DUOX1: variants seen among roughly 807,000 people sequenced by gnomAD.
DUOX1 encodes NADPH thyroid oxidase 1.
A neutral mutation model predicts 181.8 loss-of-function variants in DUOX1; 134 were observed. That is an observed-to-expected ratio of 0.74 (90% CI 0.64 to 0.85). The LOEUF (loss-of-function observed/expected upper bound fraction) is 0.85. Ranked by LOEUF, DUOX1 falls within the 40% of genes least tolerant of loss-of-function variation. The pLI, the probability that DUOX1 is intolerant of heterozygous loss-of-function variation, is 0.00. For synonymous variants in DUOX1, 798 were observed against 832.5 expected (o/e 0.96, Z 0.71); for missense variants, 1,814 against 2,064.4 (o/e 0.88, Z 2.35).
At chr15:45,161,414 TCAAAAAA>T (rs1567021662) in intron 29 of DUOX1, among the ~76,000 whole-genome samples, 2 of 13,336 alleles carry the variant, frequency 1.5e-4, no homozygotes, top group African/African-American at 5.8e-4. Flanking sequence ...TGAGACTGTG[TCAAAAAA>T]AAAAAAAAAA....
In DUOX1 at chr15:45,140,964, C is replaced by T. The variant is rs775571034; in HGVS notation, c.1459C>T (p.Leu487=). ...SWLELLPGGL[L]ESHRDPGPLF... is the part of the protein sequence containing the mutation. ...GCTAGAGCTGCTCCCTGGGGGACTC[C>T]TGGAGAGCCACCGGGACCCTGGACC... The change falls in exon 13 of 34, where the codon CTG becomes TTG. Residue 487 remains leucine, a synonymous_variant. Coordinates refer to ENST00000389037, the MANE Select transcript of DUOX1 (RefSeq NM_175940.3). 3.7e-6 allele frequency: 6 copies of T among 1,614,054 alleles called. No individual in the cohort carries two copies. The Admixed American group carries it at 1.0e-4, about 27-fold the overall frequency.
At chr15:45,155,569 CAAAAAAA>C (rs747495934) in intron 27 of DUOX1, 4 of 308,248 alleles carry the variant, frequency 1.3e-5, no homozygotes, top group East Asian at 1.3e-4. Flanking sequence ...GACTCCATCT[CAAAAAAA>C]AAAAAAAAAA....
chr15:45,140,751 G>T (rs1896467740), intron 12 of DUOX1, 144 bp from the exon 13 acceptor site: 2 of 735,556 alleles, frequency 2.7e-6, no homozygotes, highest in Non-Finnish European at 4.4e-6. Context: ...AAGTGCCTGG[G>T]GCATAATAAG....
At chr15:45,161,455 A>AGGGAGGGG (rs1897100670) in intron 29 of DUOX1, among the ~76,000 whole-genome samples, 1 of 85,948 alleles carries the variant, frequency 1.2e-5, no homozygotes, top group Admixed American at 1.2e-4. Context: ...GGAGGGAGGG[A>AGGGAGGGG]GGGAGGGAGG....
At chr15:45,132,577 T>C (rs1896181645) in intron 2 of DUOX1, among the ~76,000 whole-genome samples, 1 of 152,088 alleles carries the variant, frequency 6.6e-6, no homozygotes, top group African/African-American at 2.4e-5. Flanking sequence ...AGTGCCACAG[T>C]TAAAGTTAAA....
At chr15:45,139,670 A>G in intron 12 of DUOX1, 71 bp downstream of exon 12, 1 of 1,461,102 alleles carries the variant, frequency 6.8e-7, no homozygotes, top group Non-Finnish European at 9.1e-7. Context: ...CATGGAAGAT[A>G]GGCAGTGAAA....
Position 45,134,295 on chromosome 15 carries a change from TG to T in DUOX1, c.298del (p.Val100SerfsTer12). ...GCCTCCCTGAGAAACCGCACAGTGT[TG>T]GGGGTCTTCTTTGGTGAGAACTTCA... ...GLASLRNRTV[L>X]GVFFGYHVLS... On this transcript the variant is annotated frameshift_variant, in exon 4 of 34. Coordinates refer to ENST00000389037, the MANE Select transcript of DUOX1 (RefSeq NM_175940.3). LOFTEE classifies it high-confidence loss of function. 1 of 1,599,174 alleles carries T rather than the reference TG, an allele frequency of 6.3e-7. No individual in the cohort carries two copies.
intron 21 of DUOX1, 190 bp downstream of exon 21, chr15:45,148,637 T>C (rs998932484): frequency 4.9e-6 from 2 of 411,770 alleles, no homozygotes; most frequent in African/African-American, 4.1e-5. Context: ...AATTATACAA[T>C]ATAATTTTAA....
rs1897108847 is a variant in DUOX1 at position 45,161,792 on chromosome 15, A to C, written c.3911A>C (p.Gln1304Pro). Residue 1304 changes from glutamine to proline, a missense_variant, in exon 30 of 34, where the codon CAG (glutamine) becomes CCG (proline). By Grantham distance (76) the Gln-to-Pro change is moderately conservative (BLOSUM62 -1). Transcript: ENST00000389037. ...RPQGFEYKSG[Q>P]WVRIACLALG... is the part of the protein sequence containing the mutation. ...CAGGGCTTTGAGTACAAGTCAGGGC[A>C]GTGGGTGCGGATCGCTTGCCTGGCT... 6.2e-7 allele frequency: 1 copy of C among 1,613,832 alleles called. No individual in the cohort carries two copies. The highest frequency in any genetic ancestry group is 1.3e-5 in the African/African-American group (1 of 74,866).
At position 45,150,807 on chromosome 15, in the gene DUOX1, A is replaced by G. The variant is rs530059601; in HGVS notation, c.2888+106A>G. The G allele has an allele frequency of 2.7e-6, 3 of 1,094,640 alleles. No homozygotes were observed. In the African/African-American group the frequency reaches 4.7e-5, roughly 17 times the overall value. 67.8% of individuals were successfully genotyped at this position (1,094,640 alleles called of 1,614,324 possible). A position where few individuals can be genotyped will look rare whatever the true frequency, so the allele number is the denominator to read the frequency against. The stretch of plus-strand genomic sequence containing the variant: ...ACCGCTAGCCCATGCAGCACCTTCA[A>G]ACAAATTAGAAAAGGACACCCCTTT... On this transcript the variant is annotated intron_variant, in intron 22 of 33. Transcript: ENST00000389037.
Position 45,131,926 on chromosome 15 carries a change from T to A in DUOX1, c.-41T>A. 6.2e-7 allele frequency: 1 copy of A among 1,603,398 alleles called. No homozygotes were observed. Among genetic ancestry groups the A allele is most frequent in the South Asian group, 1.1e-5 (1 of 90,850 alleles). On this transcript the variant is annotated 5_prime_UTR_variant, in exon 2 of 34. Transcript: ENST00000389037. ...TGCCTGTCTTTTTCTAGGGTCTCCA[T>A]TTTGGGACATTCTAATCCCTGAGCC...
chr15:45,155,239 G>A (rs1479708632), intron 27 of DUOX1, among the ~76,000 whole-genome samples: 1 of 152,212 alleles, frequency 6.6e-6, no homozygotes, highest in Non-Finnish European at 1.5e-5. Context: ...CGAGAGTCAG[G>A]AAAGTGACAG....
intron 29 of DUOX1, 134 bp downstream of exon 29, chr15:45,161,124 C>T: frequency 7.3e-7 from 1 of 1,365,014 alleles, no homozygotes; most frequent in Non-Finnish European, 9.9e-7. Context: ...GACAAAGGAG[C>T]TGGTAGGGGC....
At chr15:45,158,558 C>T (rs754160550) in intron 28 of DUOX1, among the ~76,000 whole-genome samples, 3 of 151,752 alleles carry the variant, frequency 2.0e-5, no homozygotes, top group Non-Finnish European at 4.4e-5. Context: ...AAAAATTAGC[C>T]GGGAGTGGTG....
Position 45,149,571 on chromosome 15 carries a change from A to G in DUOX1, c.2819-1061A>G, listed in dbSNP as rs182859784. Among the ~76,000 whole-genome samples, 426 of 152,358 alleles carry G rather than the reference A, an allele frequency of 2.8e-3. 3 individuals carry two copies. Among genetic ancestry groups the G allele is most frequent in the Middle Eastern group, 0.01 (3 of 294 alleles). ...AACTAAAGAAAAGGAACAAAAGGCC[A>G]GGTGCAATAGCTCATGCCTGTAATC... is the stretch of plus-strand genomic sequence containing the variant. On this transcript the variant is annotated intron_variant, in intron 21 of 33. Transcript: ENST00000389037.
rs780297847 is a variant in DUOX1 at position 45,134,141 on chromosome 15, C to T, written c.143-4C>T. ...CATCCTTATCCTTACCCCTCCTACC[C>T]CAGGCTCCCGGCTGCAGCGCCTGGT... On this transcript the variant is annotated splice_region_variant and splice_polypyrimidine_tract_variant and intron_variant, in intron 3 of 33. Coordinates refer to ENST00000389037, the MANE Select transcript of DUOX1 (RefSeq NM_175940.3). The T allele has an allele frequency of 1.3e-6, 2 of 1,550,528 alleles. No homozygotes were observed. The highest frequency in any genetic ancestry group is 2.1e-5 in the Admixed American group (1 of 47,452).
At chr15:45,143,348 C>T (rs1450828724) in intron 16 of DUOX1, 45 bp downstream of exon 16, 2 of 1,486,916 alleles carry the variant, frequency 1.3e-6, no homozygotes, top group Non-Finnish European at 1.9e-6. Flanking sequence ...GGACATGGCT[C>T]AGCGCTACAG....
chr15:45,142,789 G>GGAAGGAAGGAAGGACGGAAGGA, intron 15 of DUOX1, among the ~76,000 whole-genome samples: 1 of 139,872 alleles, frequency 7.1e-6, no homozygotes, highest in African/African-American at 2.7e-5. Flanking sequence ...GGAAGGAAGG[G>GGAAGGAAGGAAGGACGGAAGGA]AGGGAGGAAG....
intron 24 of DUOX1, 72 bp downstream of exon 24, chr15:45,152,124 G>T: frequency 6.4e-7 from 1 of 1,552,078 alleles, no homozygotes; most frequent in Non-Finnish European, 8.7e-7. Flanking sequence ...GGTGGGGCCT[G>T]CGATAAGTGC....
Sources: gnomAD v4.1 joint callset for allele counts (sites outside exome capture counted in the v4.1 genomes callset) on GRCh38, gnomAD v4.1.1 for gene constraint, MANE v1.5 for transcripts, NCBI Gene and HGNC (gene_info 2026-07-23, HGNC 2026-07-21) for gene names.